Variants in ADGRG1 observed in about 807,000 individuals in gnomAD.
The protein encoded by ADGRG1 is 7-transmembrane protein with no EGF-like N-terminal domains-1.
A neutral mutation model predicts 73.5 loss-of-function variants in ADGRG1; 53 were observed. That is an observed-to-expected ratio of 0.72 (90% CI 0.58 to 0.91). The LOEUF is 0.91. ADGRG1 is among the 40% of genes least tolerant of loss of function. The probability of loss-of-function intolerance (pLI) is 0.00; values close to 1 mark genes in which losing one functional copy is unlikely to be tolerated. For missense variants in ADGRG1, 795 were observed against 871.8 expected, an observed-to-expected ratio of 0.91 and a Z score of 1.11; for synonymous variants, 394 against 374.4, an observed-to-expected ratio of 1.05 and a Z score of -0.60.
At chr16:57,641,026 G>A (rs183730399) in intron 1 of ADGRG1, 14 of 985,474 alleles carry the variant, frequency 1.4e-5, no homozygotes, top group African/African-American at 3.5e-5. Context: ...CAGGGGAGAC[G>A]GTTCAGCATC....
At chr16:57,630,938 T>C in intron 1 of ADGRG1, 3 of 984,928 alleles carry the variant, frequency 3.0e-6, no homozygotes, top group Non-Finnish European at 3.6e-6. Flanking sequence ...TGGGACTTGA[T>C]GAGCCAGGCC....
At chr16:57,638,194 C>CA (rs1362699746) in intron 1 of ADGRG1, among the ~76,000 whole-genome samples, 1 of 152,168 alleles carries the variant, frequency 6.6e-6, no homozygotes, top group African/African-American at 2.4e-5. Context: ...AGGGATTAGC[C>CA]AAGTGCCAGA....
rs2047049536 is a variant in ADGRG1 at position 57,661,365 on chromosome 16, C to G, written c.1665-332C>G. On this transcript the variant is annotated intron_variant, in intron 12 of 13. Coordinates refer to ENST00000562631, the MANE Select transcript of ADGRG1 (RefSeq NM_201525.4). ...GCCCTGCCTGTGGATCCCCTGAACCCAAACCGGAAGCCAGGGTTCCTGAGC... is the reference window on the plus strand; with the variant it reads ...GCCCTGCCTGTGGATCCCCTGAACCGAAACCGGAAGCCAGGGTTCCTGAGC... 3.0e-6 allele frequency: 3 copies of G among 985,274 alleles called. No homozygotes were observed. The East Asian group carries it at 3.4e-4, about 112-fold the overall frequency. 61.0% of individuals were successfully genotyped at this position (985,274 alleles called of 1,614,324 possible). A position where few individuals can be genotyped will look rare whatever the true frequency, so the allele number is the denominator to read the frequency against.
At chr16:57,624,001 T>C (rs528122710), upstream of ADGRG1, 2 of 266,422 alleles carry the variant, frequency 7.5e-6, no homozygotes, top group African/African-American at 2.3e-5. Context: ...GTAGAGGAGG[T>C]AGTAGATGTG....
chr16:57,621,296 G>A (rs2034756438), intron 1 of ADGRG1: 1 of 152,092 alleles, frequency 6.6e-6, no homozygotes, highest in Non-Finnish European at 1.5e-5. Flanking sequence ...TTTCTGGGAT[G>A]TGTTGGGGGG....
At chr16:57,624,112 C>T (rs1175735474), upstream of ADGRG1, 1 of 655,870 alleles carries the variant, frequency 1.5e-6, no homozygotes, top group African/African-American at 2.0e-5. Context: ...TATTGAGCAC[C>T]TACTGTGTGC....
At chr16:57,626,992 G>A, upstream of ADGRG1, 8 of 985,512 alleles carry the variant, frequency 8.1e-6, no homozygotes, top group Non-Finnish European at 9.6e-6. Flanking sequence ...GTATGACATG[G>A]GCCCAGTCCC....
At chr16:57,629,716 G>A (rs1436384783) in intron 1 of ADGRG1, among the ~76,000 whole-genome samples, 3 of 152,176 alleles carry the variant, frequency 2.0e-5, no homozygotes, top group African/African-American at 7.2e-5. Flanking sequence ...CGCAGGCTGC[G>A]GGCTGAACAC....
chr16:57,660,231 C>T (rs760486698), intron 11 of ADGRG1: 19 of 985,044 alleles, frequency 1.9e-5, no homozygotes, highest in Admixed American at 6.2e-5. Context: ...TCCGCATGCC[C>T]CTGACTCCAG....
In ADGRG1 at chr16:57,665,301, G is replaced by C. The variant is rs1227257205; in HGVS notation, c.*1719G>C. 6.6e-6 allele frequency: 1 copy of C among 152,248 alleles called. No individual in the cohort carries two copies. The highest frequency in any genetic ancestry group is 1.5e-5 in the Non-Finnish European group (1 of 68,068). 9.4% of individuals were successfully genotyped at this position (152,248 alleles called of 1,614,324 possible). ...CTGGAGACTCCCAACCCCATGCTGA[G>C]AGCGTGGCTGCTCATCAGCTCCAGC... On this transcript the variant is annotated 3_prime_UTR_variant, in exon 14 of 14. Coordinates refer to ENST00000562631, the MANE Select transcript of ADGRG1 (RefSeq NM_201525.4).
At chr16:57,638,370 A>G (rs577055171) in intron 1 of ADGRG1, among the ~76,000 whole-genome samples, 1 of 152,284 alleles carries the variant, frequency 6.6e-6, no homozygotes, top group East Asian at 1.9e-4. Context: ...AGTGGTAGAA[A>G]TGGATCTCCA....
chr16:57,649,162 C>G (rs765685752), intron 1 of ADGRG1, among the ~76,000 whole-genome samples: 4 of 152,206 alleles, frequency 2.6e-5, no homozygotes, highest in Non-Finnish European at 5.9e-5. Flanking sequence ...CTTTGCTGTT[C>G]CAGATGCTCT....
intron 10 of ADGRG1, 59 bp from the exon 11 acceptor site, chr16:57,659,354 G>A (rs1436992820): frequency 6.2e-7 from 1 of 1,610,780 alleles, no homozygotes; most frequent in East Asian, 2.2e-5. Flanking sequence ...GAGGAGATGT[G>A]GGCACACTCC....
rs1597677848 is a variant in ADGRG1 at position 57,661,913 on chromosome 16, C to T, written c.1881C>T (p.Gly627=). Residue 627 remains glycine (G), a synonymous_variant, in exon 13 of 14, where the codon GGC becomes GGT. Transcript: ENST00000562631. ...WALIFFSFAS[G]TFQLVVLYLF... ...TGATCTTCTTCTCCTTTGCTTCTGG[C>T]ACCTTCCAGCTTGTCGTCCTCTACC... 5 of 1,614,250 alleles carry T rather than the reference C, an allele frequency of 3.1e-6. No individual in the cohort carries two copies. Among genetic ancestry groups the T allele is most frequent in the Non-Finnish European group, 4.2e-6 (5 of 1,180,016 alleles).
rs2047853054 is a variant in ADGRG1 at position 57,663,869 on chromosome 16, C to T, written c.*287C>T. 5.9e-6 allele frequency: 3 copies of T among 512,510 alleles called. No homozygotes were observed. Among genetic ancestry groups the T allele is most frequent in the South Asian group, 2.1e-5 (1 of 48,712 alleles). The allele number at this position is 512,510 out of a possible 1,614,324, so 31.7% of individuals were successfully genotyped here. A position where few individuals can be genotyped will look rare whatever the true frequency, so the allele number is the denominator to read the frequency against. ...CATCTGTCCCAACCCAGCTGGAGGC[C>T]TGGTCTCTCCTTACAACCCCTGGGC... On this transcript the variant is annotated 3_prime_UTR_variant, in exon 14 of 14. Transcript: ENST00000562631.
At chr16:57,632,117 G>A (rs1197351565) in intron 1 of ADGRG1, 1 of 985,346 alleles carries the variant, frequency 1.0e-6, no homozygotes, top group Admixed American at 6.1e-5. Context: ...TGAGGACATT[G>A]AGGCAGGGGA....
chr16:57,654,406 C>T (rs1255453966), intron 5 of ADGRG1, among the ~76,000 whole-genome samples: 7 of 143,028 alleles, frequency 4.9e-5, no homozygotes, highest in East Asian at 4.3e-4. Flanking sequence ...CGCCTGTCCA[C>T]GCACCCCCCC....
At chr16:57,635,152 C>G in intron 1 of ADGRG1, 2 of 985,294 alleles carry the variant, frequency 2.0e-6, no homozygotes, top group African/African-American at 3.5e-5. Context: ...ATCCAACAGG[C>G]TTGAACCTGA....
At chr16:57,631,871 G>T in intron 1 of ADGRG1, 1 of 978,280 alleles carries the variant, frequency 1.0e-6, no homozygotes, top group Non-Finnish European at 1.2e-6. Context: ...TGTAGATTCT[G>T]GTCTTAGGTC....
Sources: allele counts gnomAD v4.1 joint callset (sites outside exome capture counted in the v4.1 genomes callset), GRCh38; gene constraint gnomAD v4.1.1; transcripts MANE v1.5; gene names NCBI Gene and HGNC (gene_info 2026-07-23, HGNC 2026-07-21).